The following SOD2 variants were observed in gnomAD, a reference collection of about 807,000 sequenced individuals.
SOD2 encodes superoxide dismutase 2.
In SOD2, 11 loss-of-function variants were observed where a neutral mutation model predicts 27.0. The observed-to-expected ratio is 0.41, with a 90% CI of 0.26 to 0.67. The LOEUF is 0.67. Ranked by LOEUF, SOD2 falls within the 30% of genes least tolerant of loss-of-function variation. The pLI, the probability that SOD2 is intolerant of heterozygous loss-of-function variation, is 0.34. For missense variants in SOD2, 250 were observed against 274.5 expected, an observed-to-expected ratio of 0.91 and a Z score of 0.63; for synonymous variants, 105 against 103.0, an observed-to-expected ratio of 1.02 and a Z score of -0.12.
upstream of SOD2, chr6:159,748,229 C>T (rs779533624): frequency 6.3e-5 from 101 of 1,613,830 alleles, no homozygotes; most frequent in Non-Finnish European, 8.4e-5. The surrounding 1 kb of genome is among the most constrained non-coding windows in gnomAD (Gnocchi z 5.6). Context: ...AGCAGCCGAG[C>T]GTTGCCCAAC....
intron 1 of SOD2, among the ~76,000 whole-genome samples, chr6:159,711,857 A>C (rs188659837): frequency 1.3e-4 from 16 of 118,764 alleles, no homozygotes; most frequent in Non-Finnish European, 2.8e-4. Flanking sequence ...AACCACCTCC[A>C]TAACCACCAG....
chr6:159,737,784 C>A (rs1281077997), intron 1 of SOD2, among the ~76,000 whole-genome samples: 2 of 152,194 alleles, frequency 1.3e-5, no homozygotes, highest in Non-Finnish European at 2.9e-5. Flanking sequence ...CAATGCCCAG[C>A]CAAAGCCTTA....
At chr6:159,753,086 T>G (rs563934200) in intron 1 of SOD2, among the ~76,000 whole-genome samples, 5 of 152,362 alleles carry the variant, frequency 3.3e-5, no homozygotes, top group African/African-American at 1.2e-4. Flanking sequence ...AGAACTTTTC[T>G]GATAAAGCGC....
rs774841066 is a variant in SOD2 at position 159,692,635 on chromosome 6, C to T, written c.226+26G>A. ...TGGGGTCGCCTCTGCCGGGGACTGC[C>T]TCCCGCCGCTCAGCCTGGAACCTAC... On this transcript the variant is annotated intron_variant, in intron 2 of 4. Coordinates refer to ENST00000538183, the MANE Select transcript of SOD2 (RefSeq NM_000636.4). 12 of 1,611,060 alleles carry T rather than the reference C, an allele frequency of 7.4e-6. 1 individual carries two copies. The South Asian group carries it at 1.1e-4, about 15-fold the overall frequency.
intron 1 of SOD2, among the ~76,000 whole-genome samples, chr6:159,751,518 A>AAGTGGATGTTC (rs1779819735): frequency 6.6e-6 from 1 of 152,208 alleles, no homozygotes; most frequent in Non-Finnish European, 1.5e-5. Context: ...TTTAATTTCT[A>AAGTGGATGTTC]AGTGGATGTT....
intron 1 of SOD2, among the ~76,000 whole-genome samples, chr6:159,737,690 C>A (rs1208727695): frequency 6.6e-6 from 1 of 151,930 alleles, no homozygotes; most frequent in African/African-American, 2.4e-5. Flanking sequence ...TGGGGTTTTG[C>A]CATGTTACCC....
At chr6:159,696,596 A>G (rs1777425387), upstream of SOD2, among the ~76,000 whole-genome samples, 1 of 152,154 alleles carries the variant, frequency 6.6e-6, no homozygotes. Context: ...CTGGGATTAC[A>G]GGCATGAGCC....
intron 1 of SOD2, among the ~76,000 whole-genome samples, chr6:159,707,030 A>T (rs1777640301): frequency 6.6e-6 from 1 of 152,234 alleles, no homozygotes; most frequent in Non-Finnish European, 1.5e-5. Flanking sequence ...TGGGTACATA[A>T]TGAAATGAAG....
intron 1 of SOD2, among the ~76,000 whole-genome samples, chr6:159,708,876 CTACAG>C (rs1777676754): frequency 6.7e-6 from 1 of 148,420 alleles, no homozygotes; most frequent in East Asian, 1.9e-4. Context: ...TACTACAAGA[CTACAG>C]TAACCAAAAC....
At chr6:159,702,058 T>C (rs1038865245) in intron 1 of SOD2, among the ~76,000 whole-genome samples, 4 of 152,228 alleles carry the variant, frequency 2.6e-5, no homozygotes, top group Admixed American at 6.5e-5. Context: ...CAATGGTTTA[T>C]GGGCATAAAA....
intron 1 of SOD2, among the ~76,000 whole-genome samples, chr6:159,703,565 T>C (rs1435373449): frequency 6.6e-6 from 1 of 152,148 alleles, no homozygotes; most frequent in African/African-American, 2.4e-5. Context: ...TTGTCCCATA[T>C]GTTAAAAAAA....
intron 1 of SOD2, chr6:159,726,705 G>C (rs1420366785): frequency 2.5e-6 from 3 of 1,209,162 alleles, no homozygotes; most frequent in South Asian, 2.6e-5. Context: ...CAACGCCGCG[G>C]ACACAGCGCA....
chr6:159,760,187 G>A (rs1375228456), intron 1 of SOD2: 1 of 147,752 alleles, frequency 6.8e-6, no homozygotes, highest in Non-Finnish European at 1.5e-5. Flanking sequence ...TTGGTTAACA[G>A]AAGATAGTTT....
intron 1 of SOD2, among the ~76,000 whole-genome samples, chr6:159,752,919 T>G (rs1583108275): frequency 6.6e-6 from 1 of 152,316 alleles, no homozygotes; most frequent in South Asian, 2.1e-4. Context: ...AAATTTTTTG[T>G]AGAGTTGGAG....
chr6:159,733,067 G>C (rs2758313), intron 1 of SOD2, among the ~76,000 whole-genome samples: 119,455 of 152,004 alleles, frequency 0.79, 47,179 homozygotes, highest in South Asian at 0.85. Context: ...GATGGTTTCT[G>C]AGATGATTAA....
In SOD2 at chr6:159,677,947, C is replaced by A. The variant is rs117682696; in HGVS notation, c.*4546G>T. ...TGGGAGCCTCTAGGTAGCTTCAGGA[C>A]GGGGGGCTGCTTACCAGAAAGACCA... On this transcript the variant is annotated 3_prime_UTR_variant, in exon 5 of 5. Transcript: ENST00000538183. 2 of 152,192 alleles carry A rather than the reference C, an allele frequency of 1.3e-5. No individual in the cohort carries two copies. Among genetic ancestry groups the A allele is most frequent in the Non-Finnish European group, 2.9e-5 (2 of 68,032 alleles). 9.4% of individuals were successfully genotyped at this position (152,192 alleles called of 1,614,324 possible).
intron 1 of SOD2, among the ~76,000 whole-genome samples, chr6:159,702,877 C>T (rs1046943988): frequency 7.7e-6 from 1 of 130,332 alleles, no homozygotes; most frequent in African/African-American, 2.8e-5. Flanking sequence ...AAAAAAAAGC[C>T]AGGTGTTGTG....
At chr6:159,730,057 T>C (rs1778473283), upstream of SOD2, among the ~76,000 whole-genome samples, 1 of 152,168 alleles carries the variant, frequency 6.6e-6, no homozygotes, top group East Asian at 1.9e-4. Context: ...ACTGAAACTT[T>C]TATGTAATTT....
chr6:159,746,142 G>A (rs973810375), upstream of SOD2, among the ~76,000 whole-genome samples: 3 of 152,186 alleles, frequency 2.0e-5, no homozygotes, highest in South Asian at 2.1e-4. Flanking sequence ...AAAATTGTTC[G>A]TTAGATTTGG....
Sources: gnomAD v4.1 joint callset for allele counts (sites outside exome capture counted in the v4.1 genomes callset) on GRCh38, gnomAD v4.1.1 for gene constraint, Gnocchi (gnomAD v3.1) non-coding constraint, MANE v1.5 for transcripts, NCBI Gene and HGNC (gene_info 2026-07-23, HGNC 2026-07-21) for gene names.